Variants in MYH1 observed in about 807,000 individuals in gnomAD.
MYH1 encodes myosin-1.
A neutral mutation model predicts 225.6 loss-of-function variants in MYH1; 214 were observed. The observed-to-expected ratio is 0.95, with a 90% CI of 0.85 to 1.06. The LOEUF (loss-of-function observed/expected upper bound fraction) is 1.06, where lower values mean the gene tolerates loss of function less well. MYH1 is among the 50% of genes least tolerant of loss of function. The pLI is 0.00. For synonymous variants in MYH1, 774 were observed against 842.3 expected, an observed-to-expected ratio of 0.92 and a Z score of 1.40; for missense variants, 2,098 against 2,344.2, an observed-to-expected ratio of 0.89 and a Z score of 2.17.
chr17:10,493,812 T>A (rs1196654159), intron 39 of MYH1, among the ~76,000 whole-genome samples: 2 of 152,182 alleles, frequency 1.3e-5, no homozygotes, highest in African/African-American at 2.4e-5. Context: ...AGTTTCTACC[T>A]CCAAAATATG....
Position 10,505,151 on chromosome 17 carries a change from T to G in MYH1, c.2435+12A>C, listed in dbSNP as rs1204149877. ...AAGATGATGAGGTTAAGTAAAGAAT[T>G]CTTATTAATACCTTCTTTCCACCAT... On this transcript the variant is annotated intron_variant, in intron 21 of 39. Coordinates refer to ENST00000226207, the MANE Select transcript of MYH1 (RefSeq NM_005963.4). The G allele has an allele frequency of 6.2e-7, 1 of 1,613,826 alleles. No homozygotes were observed. The highest frequency in any genetic ancestry group is 1.3e-5 in the African/African-American group (1 of 75,006).
rs762216903 is a variant in MYH1 at position 10,508,503 on chromosome 17, G to A, written c.1757C>T (p.Ala586Val). ...PEAHFSLIHYAGTVDYNIAGW... is the reference protein window; with the variant it reads ...PEAHFSLIHYVGTVDYNIAGW... ...GGCAATGTTGTAGTCCACGGTGCCA[G>A]CATAGTGAATCAAAGAGAAGTGGGC... Residue 586 changes from alanine to valine, a missense_variant, in exon 16 of 40, where the codon GCT becomes GTT. By Grantham distance (64) the Ala-to-Val change is moderately conservative (BLOSUM62 0). Transcript: ENST00000226207. 6.2e-7 allele frequency: 1 copy of A among 1,614,158 alleles called. No homozygotes were observed. Among genetic ancestry groups the A allele is most frequent in the Non-Finnish European group, 8.5e-7 (1 of 1,180,022 alleles).
rs755910662 is a variant in MYH1 at position 10,516,546 on chromosome 17, CA to C, written c.96del (p.Phe32LeufsTer17). The C allele has an allele frequency of 3.2e-5, 51 of 1,614,072 alleles. No individual in the cohort carries two copies. Among genetic ancestry groups the C allele is most frequent in the Non-Finnish European group, 4.2e-5 (49 of 1,180,040 alleles). On this transcript the variant is annotated frameshift_variant, in exon 3 of 40. Transcript: ENST00000226207. LOFTEE classifies it high-confidence loss of function. ...RERIEAQNKPFDAKTSVFVVD... is the reference protein window; with the variant it reads ...RERIEAQNKPXDAKTSVFVVD... ...ACCACAAAGACTGATGTCTTGGCATCAAAAGGCTTGTTCTGGGCTTCAATTC... is the reference window on the plus strand; with the variant it reads ...ACCACAAAGACTGATGTCTTGGCATCAAAGGCTTGTTCTGGGCTTCAATTC...
Position 10,516,000 on chromosome 17 carries a change from C to G in MYH1, c.431G>C (p.Arg144Pro). 1 of 1,614,104 alleles carries G rather than the reference C, an allele frequency of 6.2e-7. No individual in the cohort carries two copies. Among genetic ancestry groups the G allele is most frequent in the Non-Finnish European group, 8.5e-7 (1 of 1,180,016 alleles). ...TGGGGCCTCCTGGCGCTTTTTGCCT[C>G]GGTAGGCTGTCACCACCTCTGCATT... ...VYNAEVVTAY[R>P]GKKRQEAPPH... Residue 144 changes from arginine to proline, a missense_variant, in exon 5 of 40, where the codon CGA becomes CCA. Physicochemically the swap from Arg to Pro is moderately radical, Grantham distance 103. Coordinates refer to ENST00000226207, the MANE Select transcript of MYH1 (RefSeq NM_005963.4).
Position 10,497,766 on chromosome 17 carries a change from C to A in MYH1, c.4333G>T (p.Ala1445Ser). The A allele has an allele frequency of 6.2e-7, 1 of 1,613,814 alleles. No individual in the cohort carries two copies. The highest frequency in any genetic ancestry group is 8.5e-7 in the Non-Finnish European group (1 of 1,179,932). Residue 1445 changes from alanine to serine, a missense_variant, in exon 31 of 40, where the codon GCC (alanine) becomes TCC (serine). By Grantham distance (99) the Ala-to-Ser change is moderately conservative (BLOSUM62 1). Coordinates refer to ENST00000226207, the MANE Select transcript of MYH1 (RefSeq NM_005963.4). Reference protein sequence around the residue: ...DVERTNAACAALDKKQRNFDK... With the variant: ...DVERTNAACASLDKKQRNFDK... ...AAGTTCCTTTGCTTTTTGTCCAGGGCGGCACAGGCAGCATTTGTCCTCTCA... is the reference window on the plus strand; with the variant it reads ...AAGTTCCTTTGCTTTTTGTCCAGGGAGGCACAGGCAGCATTTGTCCTCTCA...
At position 10,497,328 on chromosome 17, in the gene MYH1, T is replaced by C; in HGVS notation, c.4490A>G (p.Asp1497Gly). 6.2e-7 allele frequency: 1 copy of C among 1,611,912 alleles called. No individual in the cohort carries two copies. The highest frequency in any genetic ancestry group is 1.3e-5 in the African/African-American group (1 of 74,944). ...KIKNAYEESL[D>G]QLETLKRENK... ...TTCCCGTTTCAAGGTTTCAAGTTGG[T>C]CTAAAGATTCCTCATAAGCATTCTT... The change falls in exon 32 of 40, where the codon GAC (aspartate) becomes GGC (glycine). Residue 1497 changes from aspartate (D) to glycine (G), a missense_variant. Physicochemically the swap from Asp to Gly is moderately conservative, Grantham distance 94. Transcript: ENST00000226207.
chr17:10,494,919 T>G lies in MYH1; in HGVS notation c.5466+12A>C. On this transcript the variant is annotated intron_variant, in intron 37 of 39. Transcript: ENST00000226207. ...GAATGAGATAGAAATACATGCTGAT[T>G]AGGAGACCCACCCTGGCCTCCAGTT... is the stretch of plus-strand genomic sequence containing the variant. 6.2e-7 allele frequency: 1 copy of G among 1,614,110 alleles called. No individual in the cohort carries two copies. The highest frequency in any genetic ancestry group is 1.7e-4 in the Middle Eastern group (1 of 6,060).
Position 10,503,245 on chromosome 17 carries a change from C to T in MYH1, c.2695G>A (p.Ala899Thr). ...NDLQLQVQAEADSLADAEERC... is the reference protein window; with the variant it reads ...NDLQLQVQAETDSLADAEERC... ...TCCTCTGCATCAGCCAAGCTGTCAG[C>T]TTCCTGAGAAGAGGCAATAGATATT... The change falls in exon 23 of 40, where the codon GCT becomes ACT. Residue 899 changes from alanine (A) to threonine (T), a missense_variant. Ala to Thr is a moderately conservative substitution (Grantham distance 58). Transcript: ENST00000226207. 1 of 1,614,148 alleles carries T rather than the reference C, an allele frequency of 6.2e-7. No homozygotes were observed. The highest frequency in any genetic ancestry group is 8.5e-7 in the Non-Finnish European group (1 of 1,180,040).
Position 10,512,069 on chromosome 17 carries a change from C to T in MYH1, c.1266+5G>A, listed in dbSNP as rs200510201. Reference sequence around the variant, plus strand: ...GTGTGTGATTCATTGAGGTCATGCACTTACCTGCTGCACAGTTTGACCTTT... The same window carrying T: ...GTGTGTGATTCATTGAGGTCATGCATTTACCTGCTGCACAGTTTGACCTTT... On this transcript the variant is annotated splice_donor_5th_base_variant and intron_variant, in intron 13 of 39. Transcript: ENST00000226207. 1 of 1,614,104 alleles carries T rather than the reference C, an allele frequency of 6.2e-7. No homozygotes were observed. The highest frequency in any genetic ancestry group is 1.3e-5 in the African/African-American group (1 of 75,054).
At chr17:10,506,327 T>C (rs1308278631) in intron 17 of MYH1, among the ~76,000 whole-genome samples, 1 of 152,170 alleles carries the variant, frequency 6.6e-6, no homozygotes, top group Non-Finnish European at 1.5e-5. Flanking sequence ...GAAGTGACTG[T>C]TCGCTGCTGT....
chr17:10,494,596 C>T lies in MYH1; in HGVS notation c.5544G>A (p.Glu1848=). ...VEAVKGLRKH[E]RKVKELTYQT... Reference sequence around the variant, plus strand: ...GGTAAGTGAGTTCCTTCACTTTTCTCTCATGTTTGCGTAGACCCTTGACAG... The same window carrying T: ...GGTAAGTGAGTTCCTTCACTTTTCTTTCATGTTTGCGTAGACCCTTGACAG... Residue 1848 remains glutamate (E), a synonymous_variant, in exon 38 of 40, where the codon GAG becomes GAA. Coordinates refer to ENST00000226207, the MANE Select transcript of MYH1 (RefSeq NM_005963.4). The T allele has an allele frequency of 6.2e-7, 1 of 1,614,018 alleles. No individual in the cohort carries two copies. The highest frequency in any genetic ancestry group is 8.5e-7 in the Non-Finnish European group (1 of 1,180,010).
At position 10,518,245 on chromosome 17, in the gene MYH1, A is replaced by G. The variant is rs1020978451; in HGVS notation, c.-46T>C. On this transcript the variant is annotated 5_prime_UTR_variant, in exon 2 of 40. Transcript: ENST00000226207. ...AAAAAAAATCAGAATCTTACCGTAG[A>G]GATGCGACCTTAAAGTGGATCAGAA... 1.3e-5 allele frequency: 2 copies of G among 152,236 alleles called. No homozygotes were observed. Among genetic ancestry groups the G allele is most frequent in the African/African-American group, 2.4e-5 (1 of 41,460 alleles). 9.4% of individuals were successfully genotyped at this position (152,236 alleles called of 1,614,324 possible).
chr17:10,497,090 C>T lies in MYH1; in HGVS notation c.4635G>A (p.Gln1545=). 1.9e-6 allele frequency: 3 copies of T among 1,613,986 alleles called. No homozygotes were observed. Among genetic ancestry groups the T allele is most frequent in the Non-Finnish European group, 2.5e-6 (3 of 1,180,012 alleles). The change falls in exon 33 of 40, where the codon CAG becomes CAA. Residue 1545 remains glutamine (Q), a synonymous_variant. Coordinates refer to ENST00000226207, the MANE Select transcript of MYH1 (RefSeq NM_005963.4). ...KQVEQEKSEL[Q]AALEEAEASL... ...TTACCTCTGCCTCCTCTAAGGCAGCCTGAAGTTCAGACTTTTCTTGCTCAA... is the reference window on the plus strand; with the variant it reads ...TTACCTCTGCCTCCTCTAAGGCAGCTTGAAGTTCAGACTTTTCTTGCTCAA...
intron 5 of MYH1, 148 bp from the exon 6 acceptor site, chr17:10,515,043 G>A: frequency 1.4e-6 from 1 of 710,722 alleles, no homozygotes; most frequent in Non-Finnish European, 2.5e-6. Flanking sequence ...TGTCCTGCTG[G>A]TTTAATATAA....
At position 10,494,409 on chromosome 17, in the gene MYH1, A is replaced by T; in HGVS notation, c.5612T>A (p.Leu1871Gln). Residue 1871 changes from leucine to glutamine, a missense_variant, in exon 39 of 40, where the codon CTG becomes CAG. Transcript: ENST00000226207. ...DRKNILRLQD[L>Q]VDKLQAKVKS... ...CACCTTTGCTTGCAGTTTGTCCACCAGGTCCTGGAGCCTGAGAATATTCTT... is the reference window on the plus strand; with the variant it reads ...CACCTTTGCTTGCAGTTTGTCCACCTGGTCCTGGAGCCTGAGAATATTCTT... 6.2e-7 allele frequency: 1 copy of T among 1,614,172 alleles called. No individual in the cohort carries two copies.
chr17:10,516,807 C>T, intron 2 of MYH1, 125 bp from the exon 3 acceptor site: 1 of 775,932 alleles, frequency 1.3e-6, no homozygotes, highest in Non-Finnish European at 2.0e-6. Context: ...ATGACCACCT[C>T]CCTGGCTTGG....
intron 35 of MYH1, among the ~76,000 whole-genome samples, chr17:10,495,707 G>A (rs2072982741): frequency 8.3e-6 from 1 of 120,076 alleles, no homozygotes; most frequent in African/African-American, 3.0e-5. Flanking sequence ...CTTGCAGCGA[G>A]CCGAGGTTGC....
Position 10,497,443 on chromosome 17 carries a change from C to A in MYH1, c.4375G>T (p.Glu1459Ter). The A allele has an allele frequency of 6.2e-7, 1 of 1,600,300 alleles. No individual in the cohort carries two copies. The highest frequency in any genetic ancestry group is 1.1e-5 in the South Asian group (1 of 87,332). The change falls in exon 32 of 40, where the codon GAA becomes TAA. Residue 1459 changes from glutamate (E) to a stop codon, truncating the protein, a stop_gained. Coordinates refer to ENST00000226207, the MANE Select transcript of MYH1 (RefSeq NM_005963.4). LOFTEE classifies it high-confidence loss of function. ...GTTTCTTCACACTTCTGTTTCCATT[C>A]TGCCAGGATCTGAAGGTCAAGGAAT... is the stretch of plus-strand genomic sequence containing the variant. ...KQRNFDKILA[E>*]WKQKCEETHA...
intron 30 of MYH1, 103 bp from the exon 31 acceptor site, chr17:10,498,020 T>G (rs117457393): frequency 2.6e-6 from 3 of 1,156,982 alleles, no homozygotes; most frequent in African/African-American, 1.6e-5. Flanking sequence ...TTTAATACTT[T>G]GCTTCTCAAG....
Sources: gnomAD v4.1 joint callset for allele counts (sites outside exome capture counted in the v4.1 genomes callset) on GRCh38, gnomAD v4.1.1 for gene constraint, MANE v1.5 for transcripts, NCBI Gene and HGNC (gene_info 2026-07-23, HGNC 2026-07-21) for gene names.